SNTA1: variants seen among roughly 807,000 people sequenced by gnomAD.
SNTA1 encodes the protein syntrophin alpha 1, also known as alpha-1-syntrophin.
A neutral mutation model predicts 47.1 loss-of-function variants in SNTA1; 31 were observed. The observed-to-expected ratio is 0.66, with a 90% CI of 0.49 to 0.89. The LOEUF is 0.89. Among genes scored for constraint, SNTA1 ranks in the 40% least tolerant of loss-of-function variants. The pLI is 0.00. For missense variants in SNTA1, 575 were observed against 693.0 expected, an observed-to-expected ratio of 0.83 and a Z score of 1.91; for synonymous variants, 300 against 313.6, an observed-to-expected ratio of 0.96 and a Z score of 0.46.
chr20:33,437,791 A>C (rs1990478629), intron 2 of SNTA1, among the ~76,000 whole-genome samples: 1 of 152,228 alleles, frequency 6.6e-6, no homozygotes, highest in Non-Finnish European at 1.5e-5. Flanking sequence ...GGGCTGAGCA[A>C]AGCAGAAACC....
chr20:33,432,587 A>G (rs546556044), intron 2 of SNTA1, among the ~76,000 whole-genome samples: 89 of 152,320 alleles, frequency 5.8e-4, no homozygotes, highest in African/African-American at 1.9e-3. Context: ...AAAGAAAACA[A>G]TAACAGGATC....
At chr20:33,425,068 A>C (rs1465194091) in intron 2 of SNTA1, among the ~76,000 whole-genome samples, 1 of 151,692 alleles carries the variant, frequency 6.6e-6, no homozygotes, top group Non-Finnish European at 1.5e-5. Flanking sequence ...GTGAGCCGAG[A>C]TCACGCCACT....
rs867072880 is a variant in SNTA1, at chr20:33,443,548, C to T, written c.73G>A (p.Gly25Ser). 7.5e-7 allele frequency: 1 copy of T among 1,337,606 alleles called. No individual in the cohort carries two copies. The highest frequency in any genetic ancestry group is 1.8e-5 in the South Asian group (1 of 57,090). The allele number at this position is 1,337,606 out of a possible 1,614,324, so 82.9% of individuals were successfully genotyped here. ...LRAGAGSGAG[G>S]ERWQRVLLSL... ...AGCAGCACCCGCTGCCATCGCTCGC[C>T]GCCGGCCCCCGAGCCCGCCCCGGCG... Residue 25 changes from glycine to serine, a missense_variant, in exon 1 of 8, where the codon GGC becomes AGC. Physicochemically the swap from Gly to Ser is moderately conservative, Grantham distance 56. Transcript: ENST00000217381.
intron 3 of SNTA1, among the ~76,000 whole-genome samples, chr20:33,416,232 C>T (rs980633116): frequency 2.0e-5 from 3 of 152,222 alleles, no homozygotes; most frequent in East Asian, 1.9e-4. Context: ...GGATGCTGGA[C>T]GTTAACCAGC....
intron 1 of SNTA1, among the ~76,000 whole-genome samples, chr20:33,441,298 T>G (rs1990571902): frequency 6.6e-6 from 1 of 152,176 alleles, no homozygotes; most frequent in South Asian, 2.1e-4. Flanking sequence ...GCCTCCAGGC[T>G]CCAGAACCAA....
At position 33,408,539 on chromosome 20, in the gene SNTA1, C is replaced by A; in HGVS notation, c.1486G>T (p.Ala496Ser). The change falls in exon 8 of 8, where the codon GCC becomes TCC. Residue 496 changes from alanine (A) to serine (S), a missense_variant. Physicochemically the swap from Ala to Ser is moderately conservative, Grantham distance 99. Coordinates refer to ENST00000217381, the MANE Select transcript of SNTA1 (RefSeq NM_003098.3). ...AACAGCCCGAGGCGGGTGACTTTGG[C>A]CGACAGGAAGGAGTGGATGATGAAG... is the stretch of plus-strand genomic sequence containing the variant. ...IVFIIHSFLS[A>S]KVTRLGLLA 6.2e-7 allele frequency: 1 copy of A among 1,614,118 alleles called. No homozygotes were observed. Among genetic ancestry groups the A allele is most frequent in the South Asian group, 1.1e-5 (1 of 91,084 alleles).
At chr20:33,408,929 C>A in intron 6 of SNTA1, 41 bp from the exon 7 acceptor site, 1 of 1,570,682 alleles carries the variant, frequency 6.4e-7, no homozygotes, top group South Asian at 1.1e-5. Context: ...GCTGGCACCT[C>A]AGAGACTACA....
intron 2 of SNTA1, among the ~76,000 whole-genome samples, chr20:33,428,856 G>T (rs1404967869): frequency 6.6e-6 from 1 of 151,910 alleles, no homozygotes; most frequent in East Asian, 1.9e-4. Context: ...GCCTGACCAA[G>T]ATGGTGAAAC....
intron 2 of SNTA1, 150 bp downstream of exon 2, chr20:33,438,691 G>C (rs1200658685): frequency 1.3e-6 from 1 of 758,024 alleles, no homozygotes; most frequent in Non-Finnish European, 2.4e-6. Context: ...ACTGTCTTCA[G>C]GCAGGTCCCC....
chr20:33,443,419 C>T lies in SNTA1; in HGVS notation c.202G>A (p.Ala68Thr), dbSNP rs1990629920. The change falls in exon 1 of 8, where the codon GCG becomes ACG. Residue 68 changes from alanine (A) to threonine (T), a missense_variant. Ala to Thr is a moderately conservative substitution (Grantham distance 58). Coordinates refer to ENST00000217381, the MANE Select transcript of SNTA1 (RefSeq NM_003098.3). ...TGCGGGGGCCCGGCGCCCGGCTCCGCGGCGCCGTTGAGCTGCGCGGGCTCC... is the reference window on the plus strand; with the variant it reads ...TGCGGGGGCCCGGCGCCCGGCTCCGTGGCGCCGTTGAGCTGCGCGGGCTCC... ...EQEPAQLNGA[A>T]EPGAGPPQLP... is the part of the protein sequence containing the mutation. The T allele has an allele frequency of 1.5e-6, 2 of 1,340,362 alleles. No homozygotes were observed. The highest frequency in any genetic ancestry group is 1.9e-5 in the South Asian group (1 of 53,890). The allele number at this position is 1,340,362 out of a possible 1,614,324, so 83.0% of individuals were successfully genotyped here.
chr20:33,438,036 C>T (rs369479074), intron 2 of SNTA1, among the ~76,000 whole-genome samples: 1 of 152,216 alleles, frequency 6.6e-6, no homozygotes, highest in African/African-American at 2.4e-5. Context: ...CGTGGTGGCT[C>T]ATGCCTGTAA....
intron 2 of SNTA1, among the ~76,000 whole-genome samples, chr20:33,424,702 T>C (rs1037046437): frequency 1.3e-5 from 2 of 151,550 alleles, no homozygotes; most frequent in African/African-American, 2.4e-5. Context: ...TTTGTAGAGA[T>C]GGGGTTTTGT....
chr20:33,432,367 G>A (rs1990330970), intron 2 of SNTA1, among the ~76,000 whole-genome samples: 1 of 152,198 alleles, frequency 6.6e-6, no homozygotes, highest in Admixed American at 6.5e-5. Flanking sequence ...GTCAAGCTCA[G>A]CATGATTCTC....
At chr20:33,440,766 C>T (rs1990559076) in intron 1 of SNTA1, among the ~76,000 whole-genome samples, 1 of 152,138 alleles carries the variant, frequency 6.6e-6, no homozygotes. Context: ...TGCAGTGAGC[C>T]GAGATCGCAC....
In SNTA1 at chr20:33,439,164, A is replaced by C. The variant is rs1990518799; in HGVS notation, c.311-138T>G. On this transcript the variant is annotated intron_variant, in intron 1 of 7. Transcript: ENST00000217381. ...AAAAGGCAATGGGAGAATAAAGGGA[A>C]TCTGAGAAAAATCTTGGAAGTTTGG... is the stretch of plus-strand genomic sequence containing the variant. 3 of 794,728 alleles carry C rather than the reference A, an allele frequency of 3.8e-6. No homozygotes were observed. In the East Asian group the frequency reaches 7.7e-5, roughly 20 times the overall value. The allele number at this position is 794,728 out of a possible 1,614,324, so 49.2% of individuals were successfully genotyped here. A position where few individuals can be genotyped will look rare whatever the true frequency, so the allele number is the denominator to read the frequency against.
intron 2 of SNTA1, among the ~76,000 whole-genome samples, chr20:33,438,359 G>A (rs1197078700): frequency 6.6e-6 from 1 of 151,992 alleles, no homozygotes; most frequent in African/African-American, 2.4e-5. Flanking sequence ...TGGGTCTTGG[G>A]GTTTTAAGGC....
chr20:33,414,947 C>G (rs959606033), intron 3 of SNTA1, among the ~76,000 whole-genome samples: 13 of 152,110 alleles, frequency 8.5e-5, no homozygotes, highest in African/African-American at 2.9e-4. Context: ...GTACTTGCAG[C>G]CCAGTGCAAT....
intron 2 of SNTA1, among the ~76,000 whole-genome samples, chr20:33,425,129 T>C (rs1990136003): frequency 6.6e-6 from 1 of 151,208 alleles, no homozygotes; most frequent in African/African-American, 2.4e-5. Context: ...AAAAAAAAAT[T>C]AGCCGGGCAT....
intron 2 of SNTA1, among the ~76,000 whole-genome samples, chr20:33,432,001 G>T (rs758844343): frequency 6.6e-5 from 10 of 152,292 alleles, no homozygotes; most frequent in Middle Eastern, 6.8e-3. Context: ...TGTTTGTGGG[G>T]AGTCACATGG....
Sources: allele counts gnomAD v4.1 joint callset (sites outside exome capture counted in the v4.1 genomes callset), GRCh38; gene constraint gnomAD v4.1.1; transcripts MANE v1.5; gene names NCBI Gene and HGNC (gene_info 2026-07-23, HGNC 2026-07-21).